Variants in FGF12 observed in about 807,000 individuals in gnomAD.
The protein encoded by FGF12 is fibroblast growth factor 12B.
In FGF12, 14 loss-of-function variants were observed where a neutral mutation model predicts 23.6. The observed-to-expected ratio is 0.59, with a 90% CI of 0.39 to 0.93. The LOEUF is 0.93. Ranked by LOEUF, FGF12 falls within the 40% of genes least tolerant of loss-of-function variation. The pLI is 0.00. For synonymous variants in FGF12, 62 were observed against 77.3 expected, an observed-to-expected ratio of 0.80 and a Z score of 1.04; for missense variants, 175 against 217.8, an observed-to-expected ratio of 0.80 and a Z score of 1.24.
intron 4 of FGF12, among the ~76,000 whole-genome samples, chr3:192,221,850 A>G (rs1487780597): frequency 1.3e-5 from 2 of 152,190 alleles, no homozygotes; most frequent in Non-Finnish European, 2.9e-5. Context: ...CAAGTATAAA[A>G]TGATCATGAT....
intron 2 of FGF12, among the ~76,000 whole-genome samples, chr3:192,434,253 T>C (rs1721948712): frequency 1.3e-5 from 2 of 152,194 alleles, no homozygotes; most frequent in Admixed American, 6.5e-5. Flanking sequence ...GAGGAACTGA[T>C]GAAGCTGTGG....
chr3:192,323,606 A>G (rs1716660986), intron 4 of FGF12, among the ~76,000 whole-genome samples: 1 of 152,214 alleles, frequency 6.6e-6, no homozygotes. Context: ...GTACAAACAT[A>G]TAGTTAGATA....
intron 2 of FGF12, among the ~76,000 whole-genome samples, chr3:192,609,614 G>C (rs1294474000): frequency 6.6e-6 from 1 of 152,006 alleles, no homozygotes; most frequent in African/African-American, 2.4e-5. Flanking sequence ...TGAAATCTCA[G>C]GAAAGACACA....
chr3:192,168,058 C>T (rs1715327719), intron 5 of FGF12, among the ~76,000 whole-genome samples: 1 of 151,740 alleles, frequency 6.6e-6, no homozygotes, highest in Non-Finnish European at 1.5e-5. Flanking sequence ...AGCCACCAAG[C>T]CTGGCCTAGG....
At chr3:192,268,613 C>T (rs763252298) in intron 4 of FGF12, 2 of 388,944 alleles carry the variant, frequency 5.1e-6, no homozygotes, top group Admixed American at 2.8e-5. Flanking sequence ...TGTGTGGCTT[C>T]TCCCCTGCAT....
chr3:192,528,229 T>C (rs1019843385), intron 2 of FGF12, among the ~76,000 whole-genome samples: 3 of 152,138 alleles, frequency 2.0e-5, no homozygotes, highest in Non-Finnish European at 2.9e-5. Flanking sequence ...ACTTCCAAGA[T>C]ACAATGAGGG....
At chr3:192,645,856 T>C (rs958847042) in intron 2 of FGF12, among the ~76,000 whole-genome samples, 2 of 134,550 alleles carry the variant, frequency 1.5e-5, no homozygotes, top group Non-Finnish European at 3.1e-5. Flanking sequence ...TACAAGCAAA[T>C]CCACGATAAC....
At chr3:192,465,321 C>T (rs773121995) in intron 2 of FGF12, among the ~76,000 whole-genome samples, 7 of 151,980 alleles carry the variant, frequency 4.6e-5, no homozygotes, top group African/African-American at 1.5e-4. Context: ...TCCGAAACAC[C>T]GTCTAAAAAT....
intron 4 of FGF12, among the ~76,000 whole-genome samples, chr3:192,273,171 G>C (rs1322199037): frequency 6.6e-6 from 1 of 152,100 alleles, no homozygotes; most frequent in Non-Finnish European, 1.5e-5. Context: ...AAAAGCTACT[G>C]AACCACTTAT....
At chr3:192,181,629 GT>G (rs72218051) in intron 4 of FGF12, among the ~76,000 whole-genome samples, 4,624 of 127,336 alleles carry the variant, frequency 0.036, 72 homozygotes, top group East Asian at 0.047. Context: ...GAAGTAATTT[GT>G]TTTTTTTTTT....
intron 2 of FGF12, among the ~76,000 whole-genome samples, chr3:192,642,725 G>A (rs1715852110): frequency 6.6e-6 from 1 of 152,244 alleles, no homozygotes; most frequent in Non-Finnish European, 1.5e-5. Flanking sequence ...TCAAGGAAAA[G>A]AGAATTTCCA....
chr3:192,228,818 A>G (rs73191602), intron 4 of FGF12, among the ~76,000 whole-genome samples: 7,275 of 152,242 alleles, frequency 0.048, 239 homozygotes, highest in South Asian at 0.08. Flanking sequence ...TACAGGATTT[A>G]AGAAATTATT....
intron 4 of FGF12, among the ~76,000 whole-genome samples, chr3:192,226,250 GA>G: frequency 6.6e-6 from 1 of 152,180 alleles, no homozygotes; most frequent in East Asian, 1.9e-4. Context: ...GGCATTTTTT[GA>G]ATATCTTTGT....
intron 2 of FGF12, among the ~76,000 whole-genome samples, chr3:192,698,470 T>C (rs1351470650): frequency 6.6e-6 from 1 of 152,070 alleles, no homozygotes; most frequent in African/African-American, 2.4e-5. Flanking sequence ...TATCATATAA[T>C]ACCAAAAATA....
chr3:192,530,125 C>T (rs1392338259), intron 2 of FGF12, among the ~76,000 whole-genome samples: 1 of 151,822 alleles, frequency 6.6e-6, no homozygotes, highest in Admixed American at 6.6e-5. Context: ...TCTCTCCATC[C>T]TGTTTTTTTT....
intron 4 of FGF12, among the ~76,000 whole-genome samples, chr3:192,322,637 A>G (rs1050215864): frequency 3.3e-5 from 5 of 152,168 alleles, no homozygotes; most frequent in African/African-American, 1.2e-4. Flanking sequence ...TGGTAGTGGC[A>G]TAAAAACAGA....
intron 2 of FGF12, among the ~76,000 whole-genome samples, chr3:192,382,433 T>C (rs1408545426): frequency 2.0e-5 from 3 of 152,194 alleles, no homozygotes; most frequent in Non-Finnish European, 4.4e-5. Context: ...TAAACACCAT[T>C]GCACAAATGT....
At chr3:192,413,032 A>C (rs568565954) in intron 2 of FGF12, among the ~76,000 whole-genome samples, 1 of 152,326 alleles carries the variant, frequency 6.6e-6, no homozygotes, top group South Asian at 2.1e-4. Context: ...TCAAAATGAT[A>C]ATTATGTAGT....
intron 4 of FGF12, among the ~76,000 whole-genome samples, chr3:192,260,928 C>T (rs1712704760): frequency 6.6e-6 from 1 of 152,098 alleles, no homozygotes; most frequent in Admixed American, 6.6e-5. Flanking sequence ...GCACAACCCC[C>T]AGAAGTTGTG....
Sources: allele counts gnomAD v4.1 joint callset (sites outside exome capture counted in the v4.1 genomes callset), GRCh38; gene constraint gnomAD v4.1.1; transcripts MANE v1.5; gene names NCBI Gene and HGNC (gene_info 2026-07-23, HGNC 2026-07-21).